EBAG9: variants seen among roughly 807,000 people sequenced by gnomAD.
EBAG9 encodes the protein estrogen receptor binding site associated antigen 9.
Under a neutral mutation model 30.9 loss-of-function variants are expected in EBAG9, and 16 were observed. That is an observed-to-expected ratio of 0.52 (90% confidence interval 0.35 to 0.79). EBAG9 has a LOEUF of 0.79. Ranked by LOEUF, EBAG9 falls within the 30% of genes least tolerant of loss-of-function variation. The probability of loss-of-function intolerance (pLI) is 0.01; values close to 1 mark genes in which losing one functional copy is unlikely to be tolerated. For synonymous variants in EBAG9, 93 were observed against 82.8 expected (o/e 1.12, Z -0.67); for missense variants, 197 against 242.1 (o/e 0.81, Z 1.24).
intron 5 of EBAG9, among the ~76,000 whole-genome samples, chr8:109,559,946 A>G (rs1821678678): frequency 6.6e-6 from 1 of 152,136 alleles, no homozygotes. Flanking sequence ...AGAAATGTAT[A>G]TTAAATAATT....
chr8:109,553,916 A>G lies in EBAG9; in HGVS notation c.135A>G (p.Thr45=). The part of the protein sequence containing the change: ...LSGDQITLPT[T]VDYSSVPKQT... Reference sequence around the variant, plus strand: ...GAGACCAAATAACTTTGCCAACTACAGTTGATTATTCATCAGTTCCTAAGC... The same window carrying G: ...GAGACCAAATAACTTTGCCAACTACGGTTGATTATTCATCAGTTCCTAAGC... Residue 45 remains threonine, a synonymous_variant, in exon 3 of 7, where the codon ACA becomes ACG. Transcript: ENST00000337573. 6.2e-7 allele frequency: 1 copy of G among 1,609,476 alleles called. No homozygotes were observed. The highest frequency in any genetic ancestry group is 8.5e-7 in the Non-Finnish European group (1 of 1,178,636).
chr8:109,559,426 C>G (rs550779498), intron 5 of EBAG9, among the ~76,000 whole-genome samples: 101 of 152,240 alleles, frequency 6.6e-4, no homozygotes, highest in African/African-American at 2.4e-3. Flanking sequence ...CCACTACACT[C>G]CAGCCTAGGT....
chr8:109,553,963 T>C lies in EBAG9; in HGVS notation c.162+20T>C. 1 of 1,564,462 alleles carries C rather than the reference T, an allele frequency of 6.4e-7. No homozygotes were observed. The highest frequency in any genetic ancestry group is 1.7e-4 in the Middle Eastern group (1 of 5,974). ...AAGCAGGTAGGTTTTTTTTGTGTGT[T>C]CTTTTGTTTTGTTTTGTTTTGAAAG... On this transcript the variant is annotated intron_variant, in intron 3 of 6. Coordinates refer to ENST00000337573, the MANE Select transcript of EBAG9 (RefSeq NM_004215.5).
chr8:109,551,900 T>G (rs1213989833), intron 2 of EBAG9, among the ~76,000 whole-genome samples: 1 of 152,170 alleles, frequency 6.6e-6, no homozygotes, highest in African/African-American at 2.4e-5. Flanking sequence ...TTTCTTTAAA[T>G]GTGTATTTTT....
intron 6 of EBAG9, chr8:109,563,574 A>G (rs764631682): frequency 6.8e-7 from 1 of 1,475,170 alleles, no homozygotes; most frequent in Non-Finnish European, 8.9e-7. Flanking sequence ...AATACCTACC[A>G]CTCTTTTTTT....
At chr8:109,544,696 A>G (rs1333248843) in intron 1 of EBAG9, among the ~76,000 whole-genome samples, 2 of 152,174 alleles carry the variant, frequency 1.3e-5, no homozygotes, top group Non-Finnish European at 2.9e-5. Context: ...GCACACACAT[A>G]TGTATGTTTG....
chr8:109,552,363 T>G (rs1046769985), intron 2 of EBAG9, among the ~76,000 whole-genome samples: 1 of 151,654 alleles, frequency 6.6e-6, no homozygotes, highest in Non-Finnish European at 1.5e-5. Flanking sequence ...AATGGAAAAT[T>G]TAGGTGGTTG....
chr8:109,544,840 A>G (rs918317961), intron 1 of EBAG9, among the ~76,000 whole-genome samples: 1 of 152,146 alleles, frequency 6.6e-6, no homozygotes, highest in East Asian at 1.9e-4. Context: ...TAGTCGGGAC[A>G]TTGTCATAGT....
intron 1 of EBAG9, among the ~76,000 whole-genome samples, chr8:109,541,029 A>G (rs1821263529): frequency 6.6e-6 from 1 of 152,078 alleles, no homozygotes; most frequent in South Asian, 2.1e-4. Context: ...TTTCTAATGT[A>G]GCATTCTTTT....
At chr8:109,540,129 G>C (rs1469514498), upstream of EBAG9, 1 of 152,484 alleles carries the variant, frequency 6.6e-6, no homozygotes, top group Non-Finnish European at 1.5e-5. Flanking sequence ...TTCCGGGTCA[G>C]GGTGACCTCT....
intron 5 of EBAG9, among the ~76,000 whole-genome samples, chr8:109,558,811 A>G (rs571755588): frequency 2.6e-5 from 4 of 152,222 alleles, no homozygotes; most frequent in South Asian, 2.1e-4. Context: ...TCTAGAATTC[A>G]TCATTCGTAT....
chr8:109,541,717 C>T (rs553871044), intron 1 of EBAG9, among the ~76,000 whole-genome samples: 19 of 152,266 alleles, frequency 1.2e-4, no homozygotes, highest in Non-Finnish European at 2.2e-4. Context: ...TGGGAGTGAA[C>T]GCAGAGTTTC....
chr8:109,554,852 A>G lies in EBAG9; in HGVS notation c.286A>G (p.Lys96Glu). The G allele has an allele frequency of 6.2e-7, 1 of 1,613,780 alleles. No individual in the cohort carries two copies. The highest frequency in any genetic ancestry group is 1.1e-5 in the South Asian group (1 of 91,050). The change falls in exon 4 of 7, where the codon AAG becomes GAG. Residue 96 changes from lysine (K) to glutamate (E), a missense_variant. Transcript: ENST00000337573. ...SLEQLEPDYF[K>E]DMTPTIRKTQ... ...GGAACAACTGGAACCTGACTATTTT[A>G]AGGACATGACACCAACTATTAGGAA...
At chr8:109,562,857 C>T (rs1236769564) in intron 6 of EBAG9, among the ~76,000 whole-genome samples, 1 of 151,988 alleles carries the variant, frequency 6.6e-6, no homozygotes, top group Non-Finnish European at 1.5e-5. Flanking sequence ...CTTTGAGCAT[C>T]AGGTAGGCCC....
chr8:109,554,488 CTTTGT>C (rs372856453), intron 3 of EBAG9, among the ~76,000 whole-genome samples: 12 of 151,926 alleles, frequency 7.9e-5, no homozygotes, highest in African/African-American at 2.7e-4. Context: ...TTTCGTTTTA[CTTTGT>C]TTTTTGTTTT....
chr8:109,545,361 A>G lies in EBAG9; in HGVS notation c.-16+4900A>G, dbSNP rs115140340. On this transcript the variant is annotated intron_variant, in intron 1 of 6. Transcript: ENST00000337573. ...AAAAAAAGGCTACCAAAATAATGCC[A>G]GTTTTACCTTTTTTTTTTTTGAAAT... is the stretch of plus-strand genomic sequence containing the variant. Among the ~76,000 whole-genome samples the G allele has an allele frequency of 5.7e-3, 805 of 141,328 alleles. 7 individuals carry two copies. Among genetic ancestry groups the G allele is most frequent in the African/African-American group, 0.02 (746 of 37,970 alleles). 92.7% of individuals were successfully genotyped at this position (141,328 alleles called of 152,430 possible).
At chr8:109,559,681 G>A (rs1261823699) in intron 5 of EBAG9, among the ~76,000 whole-genome samples, 4 of 151,984 alleles carry the variant, frequency 2.6e-5, no homozygotes, top group Non-Finnish European at 5.9e-5. Context: ...CAGGTGTGGT[G>A]GCATGTGCCT....
At chr8:109,550,741 C>CT (rs548055812) in intron 1 of EBAG9, 69 bp from the exon 2 acceptor site, 2 of 893,822 alleles carry the variant, frequency 2.2e-6, no homozygotes, top group Non-Finnish European at 3.6e-6. Context: ...CATAATAGGT[C>CT]TTTTCAGGAC....
chr8:109,550,710 T>C lies in EBAG9; in HGVS notation c.-15-100T>C, dbSNP rs138036769. The C allele has an allele frequency of 2.8e-3, 1,904 of 674,774 alleles. 19 individuals carry two copies. In the African/African-American group the frequency reaches 0.032, roughly 11 times the overall value. 41.8% of individuals were successfully genotyped at this position (674,774 alleles called of 1,614,324 possible). A position where few individuals can be genotyped will look rare whatever the true frequency, so the allele number is the denominator to read the frequency against. Reference sequence around the variant, plus strand: ...ATAGTTTCTAGAGAAAGGTAAAAAATATCTTAGATTTTTCTTAGTGCATAA... The same window carrying C: ...ATAGTTTCTAGAGAAAGGTAAAAAACATCTTAGATTTTTCTTAGTGCATAA... On this transcript the variant is annotated intron_variant, in intron 1 of 6. Coordinates refer to ENST00000337573, the MANE Select transcript of EBAG9 (RefSeq NM_004215.5).
Sources: allele counts gnomAD v4.1 joint callset (sites outside exome capture counted in the v4.1 genomes callset), GRCh38; gene constraint gnomAD v4.1.1; transcripts MANE v1.5; gene names NCBI Gene and HGNC (gene_info 2026-07-23, HGNC 2026-07-21).